Variants in MYO1E observed in about 807,000 individuals in gnomAD.
The protein encoded by MYO1E is unconventional myosin-Ie.
MYO1E carries 68 observed loss-of-function variants against 151.1 expected under a neutral mutation model. That is an observed-to-expected ratio of 0.45 (90% confidence interval 0.37 to 0.55). The LOEUF (loss-of-function observed/expected upper bound fraction) is 0.55. Among genes scored for constraint, MYO1E ranks in the 20% least tolerant of loss-of-function variants. MYO1E has a pLI of 0.00. For synonymous variants in MYO1E, 601 were observed against 501.7 expected, an observed-to-expected ratio of 1.20 and a Z score of -2.64; for missense variants, 1,363 against 1,389.3, an observed-to-expected ratio of 0.98 and a Z score of 0.30.
intron 1 of MYO1E, among the ~76,000 whole-genome samples, chr15:59,370,657 T>TA (rs2080939283): frequency 6.6e-6 from 1 of 152,216 alleles, no homozygotes; most frequent in South Asian, 2.1e-4. Context: ...ACCAACCCTC[T>TA]ACTTCATCTG....
chr15:59,180,970 C>T (rs1043133908), intron 18 of MYO1E, among the ~76,000 whole-genome samples: 1 of 152,146 alleles, frequency 6.6e-6, no homozygotes, highest in Non-Finnish European at 1.5e-5. Context: ...AAATCTGTTC[C>T]CTGCTCTTGT....
At chr15:59,262,219 T>TA (rs199935729) in intron 2 of MYO1E, among the ~76,000 whole-genome samples, 2 of 141,362 alleles carry the variant, frequency 1.4e-5, no homozygotes, top group East Asian at 2.3e-4. Flanking sequence ...AAAAAAAAAA[T>TA]AAAAAAAAAT....
At chr15:59,334,641 A>T (rs1317492223) in intron 1 of MYO1E, among the ~76,000 whole-genome samples, 1 of 152,238 alleles carries the variant, frequency 6.6e-6, no homozygotes, top group African/African-American at 2.4e-5. Flanking sequence ...GGTATCAATA[A>T]AACTGCCAAC....
chr15:59,358,478 G>A (rs1421015138), intron 1 of MYO1E, among the ~76,000 whole-genome samples: 2 of 152,124 alleles, frequency 1.3e-5, no homozygotes, highest in East Asian at 1.9e-4. Flanking sequence ...TTTGGGGTGT[G>A]AGGGTGTGTG....
At chr15:59,308,386 A>G (rs1359982600) in intron 1 of MYO1E, among the ~76,000 whole-genome samples, 2 of 150,412 alleles carry the variant, frequency 1.3e-5, no homozygotes, top group Non-Finnish European at 3.0e-5. Context: ...AAATACAAAC[A>G]TTAGGCTGGG....
At chr15:59,312,472 C>G (rs544420146) in intron 1 of MYO1E, among the ~76,000 whole-genome samples, 103 of 152,278 alleles carry the variant, frequency 6.8e-4, no homozygotes, top group Middle Eastern at 3.4e-3. Context: ...GCAGCTGTCA[C>G]TACTGCTGTG....
chr15:59,207,914 T>A, intron 14 of MYO1E: 1 of 1,614,184 alleles, frequency 6.2e-7, no homozygotes, highest in Non-Finnish European at 8.5e-7. Flanking sequence ...GTTTCCACCA[T>A]AATTAAGGGC....
chr15:59,203,421 C>T lies in MYO1E; in HGVS notation c.1617-1014G>A, dbSNP rs527990053. Among the ~76,000 whole-genome samples, 3 of 150,558 alleles carry T rather than the reference C, an allele frequency of 2.0e-5. 1 individual carries two copies. Among genetic ancestry groups the T allele is most frequent in the African/African-American group, 7.3e-5 (3 of 41,024 alleles). On this transcript the variant is annotated intron_variant, in intron 15 of 27. Coordinates refer to ENST00000288235, the MANE Select transcript of MYO1E (RefSeq NM_004998.4). Reference sequence around the variant, plus strand: ...TTTGAGATGGAGTCTCGCTCTGTCACCAGGCTGGAGTGCAGTGGCGCGATC... The same window carrying T: ...TTTGAGATGGAGTCTCGCTCTGTCATCAGGCTGGAGTGCAGTGGCGCGATC...
intron 3 of MYO1E, among the ~76,000 whole-genome samples, chr15:59,260,146 C>A (rs898125397): frequency 2.0e-5 from 3 of 152,276 alleles, no homozygotes; most frequent in Non-Finnish European, 2.9e-5. Context: ...GATGTGTATA[C>A]AGCAACCCTT....
intron 25 of MYO1E, among the ~76,000 whole-genome samples, chr15:59,156,819 G>T (rs548621096): frequency 1.3e-5 from 2 of 152,212 alleles, no homozygotes; most frequent in South Asian, 2.1e-4. Flanking sequence ...AACATTAAAA[G>T]ATTTTATGTA....
chr15:59,262,451 T>TAAAAAA (rs747798400), intron 2 of MYO1E, among the ~76,000 whole-genome samples: 1,558 of 151,700 alleles, frequency 0.01, 30 homozygotes, highest in African/African-American at 0.036. Flanking sequence ...ACTCCATCTC[T>TAAAAAA]AAAAAAACAA....
At chr15:59,356,273 T>C (rs1319911278) in intron 1 of MYO1E, among the ~76,000 whole-genome samples, 2 of 152,120 alleles carry the variant, frequency 1.3e-5, no homozygotes, top group African/African-American at 4.8e-5. Context: ...GTCTCCTCTC[T>C]GTCCTCACCA....
At chr15:59,284,027 A>G (rs1164383959) in intron 1 of MYO1E, among the ~76,000 whole-genome samples, 1 of 152,266 alleles carries the variant, frequency 6.6e-6, no homozygotes, top group Non-Finnish European at 1.5e-5. Context: ...CTAGGAGCTC[A>G]CGGAGCAGCC....
rs76768030 is a variant in MYO1E at position 59,257,038 on chromosome 15, T to A, written c.238-660A>T. 6.2e-3 allele frequency among the ~76,000 whole-genome samples: 944 copies of A among 152,332 alleles called. 16 individuals are homozygous for A. The highest frequency in any genetic ancestry group is 0.021 in the African/African-American group (893 of 41,570). On this transcript the variant is annotated intron_variant, in intron 3 of 27. Coordinates refer to ENST00000288235, the MANE Select transcript of MYO1E (RefSeq NM_004998.4). ...ATATTCTCCTGGGTTTGTGATTTCA[T>A]CTTATGGGATATCTTAGCTATGCAC...
chr15:59,213,697 GCAA>G (rs2079895714), intron 12 of MYO1E, among the ~76,000 whole-genome samples: 8 of 151,984 alleles, frequency 5.3e-5, no homozygotes, highest in Middle Eastern at 3.4e-3. Flanking sequence ...CCGGGCTCAA[GCAA>G]TTCTCCCGAC....
rs780943562 is a variant in MYO1E, at chr15:59,153,805, C to G, written c.2879-14G>C. On this transcript the variant is annotated splice_polypyrimidine_tract_variant and intron_variant, in intron 25 of 27. Transcript: ENST00000288235. ...TCTGATGGTATCCTAGAGAGAGGAACAGAGAAGGAAATAAGGCTCAGATTT... is the reference window on the plus strand; with the variant it reads ...TCTGATGGTATCCTAGAGAGAGGAAGAGAGAAGGAAATAAGGCTCAGATTT... 1 of 1,608,196 alleles carries G rather than the reference C, an allele frequency of 6.2e-7. No individual in the cohort carries two copies. The highest frequency in any genetic ancestry group is 8.5e-7 in the Non-Finnish European group (1 of 1,174,646).
chr15:59,279,959 G>C (rs368463153), intron 1 of MYO1E, among the ~76,000 whole-genome samples: 6 of 152,134 alleles, frequency 3.9e-5, no homozygotes, highest in Admixed American at 6.5e-5. Context: ...TACACACACA[G>C]AGCTGTTTTC....
intron 1 of MYO1E, among the ~76,000 whole-genome samples, chr15:59,363,783 T>G (rs529896228): frequency 1.3e-5 from 2 of 152,254 alleles, no homozygotes; most frequent in East Asian, 3.9e-4. Context: ...AGAGACTAAT[T>G]CATCTTTTTG....
Position 59,173,860 on chromosome 15 carries a change from G to A in MYO1E, c.2220C>T (p.Asn740=), listed in dbSNP as rs201420160. The A allele has an allele frequency of 1.2e-6, 2 of 1,613,930 alleles. No individual in the cohort carries two copies. Among genetic ancestry groups the A allele is most frequent in the Admixed American group, 3.3e-5 (2 of 59,986 alleles). Residue 740 remains asparagine, a synonymous_variant, in exon 21 of 28, where the codon AAC becomes AAT. Coordinates refer to ENST00000288235, the MANE Select transcript of MYO1E (RefSeq NM_004998.4). ...KERRRNSINR[N]FIGDYIGMEE... ...CCATCCCAATATAATCCCCTATAAA[G>A]TTCCTGTTAATACTGTTTCTCCTTC... is the stretch of plus-strand genomic sequence containing the variant.
Sources: gnomAD v4.1 joint callset for allele counts (sites outside exome capture counted in the v4.1 genomes callset) on GRCh38, gnomAD v4.1.1 for gene constraint, MANE v1.5 for transcripts, NCBI Gene and HGNC (gene_info 2026-07-23, HGNC 2026-07-21) for gene names.